Variants in ZBBX observed in about 807,000 individuals in gnomAD.
The protein encoded by ZBBX is zinc finger B-box domain-containing protein 1.
A neutral mutation model predicts 108.5 loss-of-function variants in ZBBX; 101 were observed. That is an observed-to-expected ratio of 0.93 (90% CI 0.79 to 1.10). The LOEUF (loss-of-function observed/expected upper bound fraction) is 1.10. Ranked by LOEUF, ZBBX falls within the 50% of genes least tolerant of loss-of-function variation. ZBBX has a pLI of 0.00. For missense variants in ZBBX, 1,009 were observed against 941.4 expected (o/e 1.07, Z -0.94); for synonymous variants, 356 against 323.4 (o/e 1.10, Z -1.08).
intron 20 of ZBBX, among the ~76,000 whole-genome samples, chr3:167,262,153 G>A (rs909182175): frequency 1.3e-5 from 2 of 152,040 alleles, no homozygotes; most frequent in Non-Finnish European, 2.9e-5. Flanking sequence ...ATGTTTGGAA[G>A]AGGGGGTCTC....
chr3:167,200,059 T>C, the ZBBX span, among the ~76,000 whole-genome samples: 1 of 152,148 alleles, frequency 6.6e-6, no homozygotes, highest in Admixed American at 6.6e-5. Flanking sequence ...TCTGTCTTCA[T>C]ATGGCTCTGT....
At chr3:167,325,712 G>A (rs994709023) in intron 11 of ZBBX, among the ~76,000 whole-genome samples, 9 of 152,010 alleles carry the variant, frequency 5.9e-5, no homozygotes, top group African/African-American at 1.4e-4. Context: ...CTCAATATTC[G>A]CTGATAGAAT....
chr3:167,190,197 T>C, the ZBBX span, among the ~76,000 whole-genome samples: 1 of 152,176 alleles, frequency 6.6e-6, no homozygotes, highest in East Asian at 1.9e-4. Flanking sequence ...GAGGGAAAGA[T>C]CATTGTCTTC....
intron 20 of ZBBX, among the ~76,000 whole-genome samples, chr3:167,270,271 A>G (rs1380581359): frequency 6.6e-6 from 1 of 152,178 alleles, no homozygotes; most frequent in Non-Finnish European, 1.5e-5. Flanking sequence ...GGCATCGTGT[A>G]TTTACCCTTG....
In ZBBX at chr3:167,240,960, C is replaced by T. The variant is rs530606726; in HGVS notation, c.2394-41G>A. On this transcript the variant is annotated intron_variant, in intron 21 of 21. Transcript: ENST00000675490. Reference sequence around the variant, plus strand: ...AAGATCAATACACAATATACAGAACCGGGTTTCAACTCTTCATTTATCTTC... The same window carrying T: ...AAGATCAATACACAATATACAGAACTGGGTTTCAACTCTTCATTTATCTTC... The T allele has an allele frequency of 1.1e-5, 18 of 1,599,422 alleles. No individual in the cohort carries two copies. In the Middle Eastern group the frequency reaches 6.7e-4, roughly 60 times the overall value.
intron 1 of ZBBX, among the ~76,000 whole-genome samples, chr3:167,403,010 T>A (rs1486945138): frequency 6.6e-6 from 1 of 152,136 alleles, no homozygotes; most frequent in Non-Finnish European, 1.5e-5. Context: ...AGGGAATAAG[T>A]CAGAGTACAA....
chr3:167,252,310 G>T, intron 20 of ZBBX: 1 of 705,102 alleles, frequency 1.4e-6, no homozygotes, highest in Non-Finnish European at 2.1e-6. Context: ...GCATCCAGTG[G>T]TGTGGAGGTG....
rs138299666 is a variant in ZBBX, at chr3:167,391,723, A to G, written c.-445-11318T>C. On this transcript the variant is annotated intron_variant, in intron 1 of 21. Transcript: ENST00000455345. ...AATAAAGTCATCTTTCTTTTCATCAAATTTATTCAGATATATATACTTTAC... is the reference window on the plus strand; with the variant it reads ...AATAAAGTCATCTTTCTTTTCATCAGATTTATTCAGATATATATACTTTAC... 7.9e-3 allele frequency among the ~76,000 whole-genome samples: 1,198 copies of G among 151,872 alleles called. 16 individuals are homozygous for G. Among genetic ancestry groups the G allele is most frequent in the African/African-American group, 0.028 (1,142 of 41,498 alleles).
the ZBBX span, among the ~76,000 whole-genome samples, chr3:167,205,049 C>A: frequency 6.6e-6 from 1 of 151,966 alleles, no homozygotes; most frequent in Non-Finnish European, 1.5e-5. Flanking sequence ...GACATGGTGA[C>A]AATATGGGGG....
At chr3:167,226,623 T>C in the ZBBX span, among the ~76,000 whole-genome samples, 1 of 151,796 alleles carries the variant, frequency 6.6e-6, no homozygotes, top group Non-Finnish European at 1.5e-5. Context: ...CCAAGCTCAA[T>C]CTTGGCCATG....
At chr3:167,281,351 T>G (rs1728781052) in intron 20 of ZBBX, among the ~76,000 whole-genome samples, 1 of 152,228 alleles carries the variant, frequency 6.6e-6, no homozygotes, top group Non-Finnish European at 1.5e-5. Context: ...TTTTATTTCT[T>G]TTTTTGTAAT....
chr3:167,345,447 T>A (rs770236949), intron 9 of ZBBX, among the ~76,000 whole-genome samples: 11 of 151,870 alleles, frequency 7.2e-5, no homozygotes, highest in Non-Finnish European at 1.5e-4. Flanking sequence ...TCACATACAT[T>A]TAAAATATTT....
At chr3:167,353,056 C>G (rs573063289) in intron 8 of ZBBX, among the ~76,000 whole-genome samples, 2 of 152,130 alleles carry the variant, frequency 1.3e-5, no homozygotes, top group African/African-American at 4.8e-5. Flanking sequence ...CCCCTAACAA[C>G]TAGAAAAAGA....
chr3:167,227,423 G>A, the ZBBX span, among the ~76,000 whole-genome samples: 3 of 151,634 alleles, frequency 2.0e-5, no homozygotes, highest in African/African-American at 7.3e-5. Context: ...CGTCCCCAAA[G>A]CAGGAGCCAG....
chr3:167,305,937 G>C lies in ZBBX; in HGVS notation c.1431C>G (p.Asn477Lys), dbSNP rs757224627. The C allele has an allele frequency of 1.3e-6, 2 of 1,541,730 alleles. No individual in the cohort carries two copies. Among genetic ancestry groups the C allele is most frequent in the East Asian group, 2.3e-5 (1 of 43,426 alleles). The part of the protein sequence containing the change: ...YKDNSKAETS[N>K]TDFDNIVDPD... ...GATCCACGATGTTGTCAAAATCTGT[G>C]TTTGAAGTTTCTGCTGTTAAAAACA... Residue 477 changes from asparagine (N) to lysine (K), a missense_variant, in exon 17 of 22, where the codon AAC becomes AAG. Transcript: ENST00000675490.
chr3:167,282,330 G>A lies in ZBBX; in HGVS notation c.2162C>T (p.Thr721Ile). ...ATCTAAGGAAAGCTCATTCTGGTCAGTAATATCAATATATTCAATTTCTGA... is the reference window on the plus strand; with the variant it reads ...ATCTAAGGAAAGCTCATTCTGGTCAATAATATCAATATATTCAATTTCTGA... ...EISEIEYIDI[T>I]DQNELSLDDT... Residue 721 changes from threonine to isoleucine, a missense_variant, in exon 20 of 22, where the codon ACT becomes ATT. By Grantham distance (89) the Thr-to-Ile change is moderately conservative (BLOSUM62 -1). Coordinates refer to ENST00000675490, the MANE Select transcript of ZBBX (RefSeq NM_001199201.2). 1 of 1,614,018 alleles carries A rather than the reference G, an allele frequency of 6.2e-7. No individual in the cohort carries two copies. Among genetic ancestry groups the A allele is most frequent in the Non-Finnish European group, 8.5e-7 (1 of 1,179,924 alleles).
At chr3:167,219,142 T>C in the ZBBX span, among the ~76,000 whole-genome samples, 1 of 151,962 alleles carries the variant, frequency 6.6e-6, no homozygotes, top group Non-Finnish European at 1.5e-5. Context: ...AAAACAAATA[T>C]TAGAGCTAAA....
chr3:167,347,443 A>C (rs548245912), intron 9 of ZBBX, among the ~76,000 whole-genome samples: 1 of 152,106 alleles, frequency 6.6e-6, no homozygotes, highest in African/African-American at 2.4e-5. Flanking sequence ...GCATAGATAA[A>C]CCTGGAGGAC....
intron 19 of ZBBX, among the ~76,000 whole-genome samples, chr3:167,287,333 G>A (rs909697165): frequency 6.6e-6 from 1 of 151,846 alleles, no homozygotes; most frequent in Admixed American, 6.6e-5. Context: ...AGCATAACAC[G>A]GAGTTGTTGT....
Sources: allele counts gnomAD v4.1 joint callset (sites outside exome capture counted in the v4.1 genomes callset), GRCh38; gene constraint gnomAD v4.1.1; transcripts MANE v1.5; gene names NCBI Gene and HGNC (gene_info 2026-07-23, HGNC 2026-07-21).